SPOCK1: variants seen among roughly 807,000 people sequenced by gnomAD.
SPOCK1 encodes SPARC (osteonectin), cwcv and kazal like domains proteoglycan 1.
A neutral mutation model predicts 55.3 loss-of-function variants in SPOCK1; 23 were observed. That is an observed-to-expected ratio of 0.42 (90% CI 0.30 to 0.59). SPOCK1 has a LOEUF of 0.59. SPOCK1 is among the 20% of genes least tolerant of loss of function. The pLI is 0.22. For synonymous variants in SPOCK1, 226 were observed against 221.0 expected, an observed-to-expected ratio of 1.02 and a Z score of -0.20; for missense variants, 499 against 552.5, an observed-to-expected ratio of 0.90 and a Z score of 0.97.
chr5:137,097,873 AG>A (rs1174616920), intron 5 of SPOCK1, among the ~76,000 whole-genome samples: 4 of 152,214 alleles, frequency 2.6e-5, no homozygotes, highest in African/African-American at 9.6e-5. Flanking sequence ...GCCCTCAACC[AG>A]AGGTGCCTGC....
intron 3 of SPOCK1, among the ~76,000 whole-genome samples, chr5:137,174,663 C>T (rs1156819298): frequency 6.6e-6 from 1 of 152,192 alleles, no homozygotes; most frequent in African/African-American, 2.4e-5. Context: ...GTCCCCATTC[C>T]AAAAGGGAGC....
chr5:137,052,928 CCATCA>C (rs1752232002), intron 6 of SPOCK1, among the ~76,000 whole-genome samples: 1 of 151,860 alleles, frequency 6.6e-6, no homozygotes, highest in African/African-American at 2.4e-5. Context: ...CTCCTGTCTT[CCATCA>C]CATAACTGTC....
chr5:137,020,622 A>G (rs1055321929), intron 6 of SPOCK1, among the ~76,000 whole-genome samples: 1 of 152,018 alleles, frequency 6.6e-6, no homozygotes, highest in African/African-American at 2.4e-5. Flanking sequence ...CAAAGAGTAA[A>G]AAGAAGCAGC....
chr5:137,157,141 C>A (rs1754431723), intron 3 of SPOCK1, among the ~76,000 whole-genome samples: 1 of 152,114 alleles, frequency 6.6e-6, no homozygotes, highest in Non-Finnish European at 1.5e-5. Context: ...CCCACTTGGT[C>A]CCACCGGCAC....
rs1403943138 is a variant in SPOCK1, at chr5:137,241,536, G to T, written c.232+25474C>A. On this transcript the variant is annotated intron_variant, in intron 3 of 10. Coordinates refer to ENST00000394945, the MANE Select transcript of SPOCK1 (RefSeq NM_004598.4). Reference sequence around the variant, plus strand: ...ATGTATTGGAAATTTAATCCCCAATGCAACAGTGTTGGGAGGTGGAGCCCA... The same window carrying T: ...ATGTATTGGAAATTTAATCCCCAATTCAACAGTGTTGGGAGGTGGAGCCCA... Among the ~76,000 whole-genome samples, 3 of 152,196 alleles carry T rather than the reference G, an allele frequency of 2.0e-5. No individual in the cohort carries two copies. In the East Asian group the frequency reaches 5.8e-4, roughly 29 times the overall value.
chr5:137,379,408 GAA>G (rs371907319), intron 2 of SPOCK1, among the ~76,000 whole-genome samples: 1 of 151,730 alleles, frequency 6.6e-6, no homozygotes, highest in Non-Finnish European at 1.5e-5. Context: ...TTACCGAAAA[GAA>G]AAAAAAGTCC....
chr5:137,377,942 CTTTT>C (rs3043282), intron 2 of SPOCK1, among the ~76,000 whole-genome samples: 2 of 104,626 alleles, frequency 1.9e-5, no homozygotes, highest in Non-Finnish European at 3.7e-5. Context: ...TCACTTCTTC[CTTTT>C]TTTTTTTTTT....
At chr5:137,152,687 C>G (rs140056864) in intron 3 of SPOCK1, among the ~76,000 whole-genome samples, 2 of 152,202 alleles carry the variant, frequency 1.3e-5, no homozygotes, top group East Asian at 1.9e-4. Context: ...TTTAAAGGAG[C>G]CTCATGACTC....
chr5:137,423,438 C>T (rs879661506), intron 2 of SPOCK1, among the ~76,000 whole-genome samples: 10 of 152,202 alleles, frequency 6.6e-5, no homozygotes, highest in Admixed American at 4.6e-4. Flanking sequence ...CCACCCAGTT[C>T]GAGCTTCCTG....
chr5:137,482,951 T>A (rs572257693), intron 2 of SPOCK1, among the ~76,000 whole-genome samples: 33 of 152,358 alleles, frequency 2.2e-4, no homozygotes, highest in Admixed American at 1.1e-3. Flanking sequence ...AGTGGCCATT[T>A]ATCTTGGCAA....
At chr5:137,400,558 G>C (rs774612945) in intron 2 of SPOCK1, among the ~76,000 whole-genome samples, 20 of 152,150 alleles carry the variant, frequency 1.3e-4, no homozygotes, top group Non-Finnish European at 1.3e-4. Context: ...TAGAAAAAAA[G>C]TGCCTTGGAT....
intron 6 of SPOCK1, 29 bp from the exon 7 acceptor site, chr5:136,992,629 G>A (rs986227822): frequency 6.4e-7 from 1 of 1,565,812 alleles, no homozygotes; most frequent in South Asian, 1.1e-5. Flanking sequence ...AACAGACAAT[G>A]GGGCTGGGGG....
chr5:137,405,050 C>A (rs1752068134), intron 2 of SPOCK1, among the ~76,000 whole-genome samples: 1 of 152,186 alleles, frequency 6.6e-6, no homozygotes. Flanking sequence ...AAAATAAAGA[C>A]AACACAACCG....
At chr5:137,162,437 C>T (rs1297331371) in intron 3 of SPOCK1, among the ~76,000 whole-genome samples, 1 of 152,112 alleles carries the variant, frequency 6.6e-6, no homozygotes, top group African/African-American at 2.4e-5. Flanking sequence ...CTGCACCTGG[C>T]CTTATAATGC....
At chr5:137,467,944 A>G (rs1753655983) in intron 2 of SPOCK1, among the ~76,000 whole-genome samples, 1 of 152,192 alleles carries the variant, frequency 6.6e-6, no homozygotes, top group South Asian at 2.1e-4. Context: ...TGGATCTACA[A>G]ACAATCCAGA....
chr5:136,998,317 C>A (rs1361202072), intron 6 of SPOCK1, among the ~76,000 whole-genome samples: 1 of 152,188 alleles, frequency 6.6e-6, no homozygotes, highest in African/African-American at 2.4e-5. Flanking sequence ...GGAGATTGGT[C>A]TGACTTCCCC....
intron 4 of SPOCK1, among the ~76,000 whole-genome samples, chr5:137,117,535 G>A (rs1753611176): frequency 6.6e-6 from 1 of 152,190 alleles, no homozygotes; most frequent in Non-Finnish European, 1.5e-5. Context: ...CTTAGAAATA[G>A]GGGAACACTT....
At chr5:137,431,136 G>T (rs1156271608) in intron 2 of SPOCK1, among the ~76,000 whole-genome samples, 1 of 152,178 alleles carries the variant, frequency 6.6e-6, no homozygotes, top group African/African-American at 2.4e-5. Context: ...CTCTGATGTT[G>T]TTGAGCTAAT....
intron 3 of SPOCK1, among the ~76,000 whole-genome samples, chr5:137,199,525 C>T (rs570033243): frequency 6.6e-6 from 1 of 152,292 alleles, no homozygotes; most frequent in Non-Finnish European, 1.5e-5. Context: ...TGAGTCCTTG[C>T]TTTACCTGAC....
Sources: gnomAD v4.1 joint callset for allele counts (sites outside exome capture counted in the v4.1 genomes callset) on GRCh38, gnomAD v4.1.1 for gene constraint, MANE v1.5 for transcripts, NCBI Gene and HGNC (gene_info 2026-07-23, HGNC 2026-07-21) for gene names.